P3H2: variants seen among roughly 807,000 people sequenced by gnomAD.
The protein encoded by P3H2 is prolyl 3-hydroxylase 2, also known as leprecan-like 1.
In P3H2, 80 loss-of-function variants were observed where a neutral mutation model predicts 87.0. The observed-to-expected ratio is 0.92, with a 90% CI of 0.77 to 1.11. P3H2 has a LOEUF of 1.11. Among genes scored for constraint, P3H2 ranks in the 50% least tolerant of loss-of-function variants. The pLI, the probability that P3H2 is intolerant of heterozygous loss-of-function variation, is 0.00. For missense variants in P3H2, 1,001 were observed against 923.9 expected, an observed-to-expected ratio of 1.08 and a Z score of -1.08; for synonymous variants, 367 against 359.3, an observed-to-expected ratio of 1.02 and a Z score of -0.24.
At chr3:190,115,470 T>G (rs907390591) in intron 1 of P3H2, among the ~76,000 whole-genome samples, 4 of 150,192 alleles carry the variant, frequency 2.7e-5, no homozygotes, top group African/African-American at 9.8e-5. Context: ...TTCCTGATTA[T>G]AAAGGACACA....
intron 4 of P3H2, among the ~76,000 whole-genome samples, chr3:189,987,998 C>T (rs1723759683): frequency 1.3e-5 from 2 of 152,082 alleles, no homozygotes; most frequent in South Asian, 2.1e-4. Context: ...ATTTTTGTAC[C>T]GAGTTTGGGT....
intron 1 of P3H2, among the ~76,000 whole-genome samples, chr3:190,100,437 T>A (rs1393059939): frequency 6.6e-6 from 1 of 152,116 alleles, no homozygotes; most frequent in Non-Finnish European, 1.5e-5. Flanking sequence ...TGCTGAGAGT[T>A]TCATAGTTTA....
At chr3:189,988,344 T>C (rs566968294) in intron 4 of P3H2, among the ~76,000 whole-genome samples, 2 of 152,190 alleles carry the variant, frequency 1.3e-5, no homozygotes, top group African/African-American at 2.4e-5. Flanking sequence ...GTTCACAACA[T>C]TGTATTTCTT....
rs2108923663 is a variant in P3H2, at chr3:189,994,161, C to CTTA, written c.755_756insTAA (p.Glu252delinsAspLys). On this transcript the variant is annotated protein_altering_variant, in exon 3 of 15. Coordinates refer to ENST00000319332, the MANE Select transcript of P3H2 (RefSeq NM_018192.4). ...CATATTCTTCAAATCTCTGAGGCCCCTCACATAGGGTCCGGCATTCTGTAT... is the reference window on the plus strand; with the variant it reads ...CATATTCTTCAAATCTCTGAGGCCCCTTATCACATAGGGTCCGGCATTCTGTAT... 6.2e-7 allele frequency: 1 copy of CTTA among 1,613,828 alleles called. No individual in the cohort carries two copies. Among genetic ancestry groups the CTTA allele is most frequent in the Non-Finnish European group, 8.5e-7 (1 of 1,179,860 alleles).
At chr3:190,076,562 T>C (rs1726883685) in intron 1 of P3H2, among the ~76,000 whole-genome samples, 1 of 152,216 alleles carries the variant, frequency 6.6e-6, no homozygotes, top group Non-Finnish European at 1.5e-5. Context: ...CCATGTGCTT[T>C]AGAATTAATA....
rs754233084 is a variant in P3H2, at chr3:189,987,648, A to T, written c.977T>A (p.Leu326Gln). 1.2e-6 allele frequency: 2 copies of T among 1,614,186 alleles called. No individual in the cohort carries two copies. Among genetic ancestry groups the T allele is most frequent in the Non-Finnish European group, 1.7e-6 (2 of 1,180,020 alleles). ...TAGAAGATAGGCTTTGGCACACTCC[A>T]GGGCTTTCACATACTCACCAACTGA... ...YYRVGEYVKA[L>Q]ECAKAYLLCH... is the part of the protein sequence containing the mutation. The change falls in exon 5 of 15, where the codon CTG (leucine) becomes CAG (glutamine). Residue 326 changes from leucine (L) to glutamine (Q), a missense_variant. Transcript: ENST00000319332.
chr3:190,076,906 G>C (rs904007736), intron 1 of P3H2, among the ~76,000 whole-genome samples: 2 of 152,140 alleles, frequency 1.3e-5, no homozygotes, highest in African/African-American at 4.8e-5. Context: ...AACTCCTCCA[G>C]CTTAGTCTTT....
chr3:190,052,911 C>G (rs1028890631), intron 1 of P3H2, among the ~76,000 whole-genome samples: 1 of 152,186 alleles, frequency 6.6e-6, no homozygotes, highest in African/African-American at 2.4e-5. Context: ...CATCTTTCTT[C>G]CTTAGTCCAT....
chr3:190,112,602 A>G (rs1045449767), intron 1 of P3H2, among the ~76,000 whole-genome samples: 1 of 152,176 alleles, frequency 6.6e-6, no homozygotes, highest in Admixed American at 6.5e-5. Flanking sequence ...CTAACAGGAC[A>G]ATGCAGGGGT....
chr3:190,084,296 A>G (rs1240545028), intron 1 of P3H2, among the ~76,000 whole-genome samples: 2 of 152,224 alleles, frequency 1.3e-5, no homozygotes, highest in African/African-American at 4.8e-5. Flanking sequence ...GATGACATAA[A>G]TAAATGGTCT....
At chr3:190,061,685 C>G (rs1357273865) in intron 1 of P3H2, among the ~76,000 whole-genome samples, 1 of 152,148 alleles carries the variant, frequency 6.6e-6, no homozygotes, top group South Asian at 2.1e-4. Flanking sequence ...TTAGCCTTGC[C>G]TCCTTCTAAC....
chr3:189,960,345 C>T (rs953018535), intron 14 of P3H2, among the ~76,000 whole-genome samples: 5 of 152,130 alleles, frequency 3.3e-5, no homozygotes, highest in African/African-American at 1.2e-4. Context: ...TTTCCTTCCA[C>T]TAGAATGTAA....
chr3:190,121,476 AC>A (rs1331675575), upstream of P3H2: 1 of 152,196 alleles, frequency 6.6e-6, no homozygotes, highest in African/African-American at 2.4e-5. Flanking sequence ...GACGGACCCA[AC>A]CCAGGGCCTT....
intron 1 of P3H2, among the ~76,000 whole-genome samples, chr3:190,078,988 T>C (rs1395240636): frequency 6.6e-6 from 1 of 152,116 alleles, no homozygotes; most frequent in East Asian, 1.9e-4. Flanking sequence ...CATGCTCCAA[T>C]CCTAGCTCAG....
rs1391739985 is a variant in P3H2, at chr3:190,120,248, G to A, written c.480+4C>T. On this transcript the variant is annotated splice_donor_region_variant and intron_variant, in intron 1 of 14. Coordinates refer to ENST00000319332, the MANE Select transcript of P3H2 (RefSeq NM_018192.4). ...TTTGCAGTGGAGGAGCGCTCTGTGG[G>A]TACCTTGATGTAGGCCCGCTGCAGG... 9 of 1,609,532 alleles carry A rather than the reference G, an allele frequency of 5.6e-6. No homozygotes were observed. The highest frequency in any genetic ancestry group is 5.3e-5 in the African/African-American group (4 of 75,022).
chr3:190,018,830 A>G (rs1364777667), intron 1 of P3H2, among the ~76,000 whole-genome samples: 1 of 152,232 alleles, frequency 6.6e-6, no homozygotes, highest in Non-Finnish European at 1.5e-5. Flanking sequence ...TGTATGCCCC[A>G]CTTAAGACTG....
At chr3:190,020,397 A>G (rs555392679) in intron 1 of P3H2, among the ~76,000 whole-genome samples, 1 of 134,790 alleles carries the variant, frequency 7.4e-6, no homozygotes, top group Non-Finnish European at 1.7e-5. Flanking sequence ...TCTCTTTTCC[A>G]TCTTAATCCA....
At chr3:190,100,261 C>A (rs538723227) in intron 1 of P3H2, among the ~76,000 whole-genome samples, 9,755 of 130,906 alleles carry the variant, frequency 0.075, 485 homozygotes, top group African/African-American at 0.14. Context: ...CCCCCCCCCC[C>A]AAAAAAAACA....
chr3:190,064,635 G>C (rs541408396), intron 1 of P3H2, among the ~76,000 whole-genome samples: 1 of 152,092 alleles, frequency 6.6e-6, no homozygotes, highest in Non-Finnish European at 1.5e-5. Context: ...CCAGGGACAA[G>C]TGCAGAGCAA....
Sources: allele counts gnomAD v4.1 joint callset (sites outside exome capture counted in the v4.1 genomes callset), GRCh38; gene constraint gnomAD v4.1.1; transcripts MANE v1.5; gene names NCBI Gene and HGNC (gene_info 2026-07-23, HGNC 2026-07-21).